SNX19: variants seen among roughly 807,000 people sequenced by gnomAD.
SNX19 encodes the protein sorting nexin-19.
A neutral mutation model predicts 85.2 loss-of-function variants in SNX19; 60 were observed. That is an observed-to-expected ratio of 0.70 (90% CI 0.57 to 0.87). The LOEUF (loss-of-function observed/expected upper bound fraction) is 0.87. SNX19 is among the 40% of genes least tolerant of loss of function. The pLI is 0.00. For missense variants in SNX19, 1,201 were observed against 1,217.8 expected (o/e 0.99, Z 0.21); for synonymous variants, 520 against 470.0 (o/e 1.11, Z -1.38).
intron 10 of SNX19, among the ~76,000 whole-genome samples, chr11:130,878,832 G>C (rs994429068): frequency 6.6e-6 from 1 of 152,194 alleles, no homozygotes; most frequent in African/African-American, 2.4e-5. Flanking sequence ...CTGAAGAACT[G>C]TGATAACAAA....
intron 8 of SNX19, among the ~76,000 whole-genome samples, chr11:130,890,205 C>T (rs7937411): frequency 0.59 from 90,356 of 151,922 alleles, 27,278 homozygotes; most frequent in South Asian, 0.73. Flanking sequence ...CCTAATCCAA[C>T]ACCACATAAT....
chr11:130,914,245 C>T lies in SNX19; in HGVS notation c.1674+21G>A, dbSNP rs749035475. 4.6e-6 allele frequency: 7 copies of T among 1,516,288 alleles called. No homozygotes were observed. The South Asian group carries it at 9.3e-5, about 20-fold the overall frequency. 93.9% of individuals were successfully genotyped at this position (1,516,288 alleles called of 1,614,324 possible). ...ACCCACTCCTAGCCCGGGTGAGCACCCACAGCTTTAATCCTGTTACCTTCA... is the reference window on the plus strand; with the variant it reads ...ACCCACTCCTAGCCCGGGTGAGCACTCACAGCTTTAATCCTGTTACCTTCA... On this transcript the variant is annotated intron_variant, in intron 1 of 10. Transcript: ENST00000265909.
At position 130,914,279 on chromosome 11, in the gene SNX19, AGT is replaced by A. The variant is rs765437984; in HGVS notation, c.1659_1660del (p.Thr556CysfsTer8). On this transcript the variant is annotated frameshift_variant, in exon 1 of 11. Transcript: ENST00000265909. LOFTEE classifies it high-confidence loss of function. Reference sequence around the variant, plus strand: ...TAATCCTGTTACCTTCACAGTATAGAGTGTGTATGGGTGGAATCCAGTGCCAC... The same window carrying A: ...TAATCCTGTTACCTTCACAGTATAGAGTGTATGGGTGGAATCCAGTGCCAC... The A allele has an allele frequency of 3.2e-6, 5 of 1,580,986 alleles. No homozygotes were observed. The African/African-American group carries it at 6.7e-5, about 21-fold the overall frequency.
At chr11:130,894,126 T>C (rs918613932) in intron 8 of SNX19, among the ~76,000 whole-genome samples, 1 of 152,168 alleles carries the variant, frequency 6.6e-6, no homozygotes, top group Non-Finnish European at 1.5e-5. Flanking sequence ...ATCTCCATCT[T>C]AGTGAATACA....
At position 130,909,694 on chromosome 11, in the gene SNX19, G is replaced by T. The variant is rs1026926987; in HGVS notation, c.2034+324C>A. Among the ~76,000 whole-genome samples the T allele has an allele frequency of 5.3e-5, 8 of 152,128 alleles. 2 individuals carry two copies. The South Asian group carries it at 1.7e-3, about 31-fold the overall frequency. On this transcript the variant is annotated intron_variant, in intron 4 of 10. Coordinates refer to ENST00000265909, the MANE Select transcript of SNX19 (RefSeq NM_014758.3). ...TACCCTCTGAAAGACCACCCCTCAT[G>T]CCAGCTATCTGTGAAGACACAGATC...
At chr11:130,890,890 CTT>C (rs10678203) in intron 8 of SNX19, among the ~76,000 whole-genome samples, 3 of 143,022 alleles carry the variant, frequency 2.1e-5, no homozygotes, top group Admixed American at 7.0e-5. Flanking sequence ...GGATTTGGGT[CTT>C]TTTTTTTTTT....
chr11:130,906,784 G>T, intron 5 of SNX19, 63 bp from the exon 6 acceptor site: 2 of 1,162,140 alleles, frequency 1.7e-6, no homozygotes, highest in Non-Finnish European at 2.6e-6. Context: ...CACACTAAGG[G>T]CTGGCAAGTA....
intron 8 of SNX19, among the ~76,000 whole-genome samples, chr11:130,888,815 C>T (rs907252884): frequency 1.3e-5 from 2 of 152,152 alleles, no homozygotes; most frequent in African/African-American, 2.4e-5. Flanking sequence ...AGGCCATGTA[C>T]AGGTTTAAAT....
At chr11:130,885,120 T>C (rs1004846030) in intron 8 of SNX19, among the ~76,000 whole-genome samples, 1 of 152,084 alleles carries the variant, frequency 6.6e-6, no homozygotes, top group Non-Finnish European at 1.5e-5. Context: ...CCAGGTCTCT[T>C]GTGTCAAGCC....
rs1943385177 is a variant in SNX19, at chr11:130,878,335, C to T, written c.*87G>A. 1.4e-6 allele frequency: 2 copies of T among 1,462,198 alleles called. No individual in the cohort carries two copies. Among genetic ancestry groups the T allele is most frequent in the South Asian group, 2.9e-5 (2 of 67,974 alleles). 90.6% of individuals were successfully genotyped at this position (1,462,198 alleles called of 1,614,324 possible). A position where few individuals can be genotyped will look rare whatever the true frequency, so the allele number is the denominator to read the frequency against. ...CCTAGGCCTTCTTAGCTGTAGCCTA[C>T]TTGAAGAGGGCACGGGCTTCCTGAC... On this transcript the variant is annotated 3_prime_UTR_variant, in exon 11 of 11. Transcript: ENST00000265909.
In SNX19 at chr11:130,906,177, T is replaced by G. The variant is rs758694982; in HGVS notation, c.2263-44A>C. 9 of 1,587,048 alleles carry G rather than the reference T, an allele frequency of 5.7e-6. No homozygotes were observed. The Admixed American group carries it at 6.9e-5, about 12-fold the overall frequency. On this transcript the variant is annotated intron_variant, in intron 6 of 10. Coordinates refer to ENST00000265909, the MANE Select transcript of SNX19 (RefSeq NM_014758.3). ...CATATCACATATGGAATGCTGACAG[T>G]AGGGGAGCAAATGCAGCACTCTAGG...
intron 8 of SNX19, among the ~76,000 whole-genome samples, chr11:130,891,454 C>T (rs1240929521): frequency 6.6e-6 from 1 of 152,074 alleles, no homozygotes; most frequent in Admixed American, 6.5e-5. Context: ...GAGACAGCTG[C>T]CAGTAGCTTA....
intron 8 of SNX19, 79 bp downstream of exon 8, chr11:130,903,176 C>T: frequency 6.3e-7 from 1 of 1,580,316 alleles, no homozygotes; most frequent in Non-Finnish European, 8.6e-7. Context: ...GCTGCAGATT[C>T]CCTGGACACT....
At chr11:130,879,573 C>T in intron 10 of SNX19, 51 bp downstream of exon 10, 1 of 1,484,620 alleles carries the variant, frequency 6.7e-7, no homozygotes, top group Non-Finnish European at 9.4e-7. Context: ...ACCTCTGAGA[C>T]CAGAGGTGGC....
At chr11:130,890,922 C>T (rs548827219) in intron 8 of SNX19, among the ~76,000 whole-genome samples, 10 of 136,614 alleles carry the variant, frequency 7.3e-5, no homozygotes, top group African/African-American at 2.7e-4. Context: ...GATCACTTAA[C>T]GAAGTGCCTA....
At chr11:130,906,746 A>T (rs575056770) in intron 5 of SNX19, 25 bp from the exon 6 acceptor site, 8 of 1,546,100 alleles carry the variant, frequency 5.2e-6, no homozygotes, top group Admixed American at 1.7e-5. Context: ...AAGAGCAGAA[A>T]CAGGTTGTAA....
At chr11:130,884,697 T>C (rs1943923425) in intron 8 of SNX19, among the ~76,000 whole-genome samples, 1 of 151,746 alleles carries the variant, frequency 6.6e-6, no homozygotes, top group Admixed American at 6.6e-5. Context: ...TGAAGCCTCG[T>C]CTCTACTAAA....
intron 8 of SNX19, among the ~76,000 whole-genome samples, chr11:130,887,993 C>T (rs1944205785): frequency 6.6e-6 from 1 of 151,918 alleles, no homozygotes; most frequent in Admixed American, 6.6e-5. Flanking sequence ...TACTATACTT[C>T]TCATACAGCC....
Position 130,916,100 on chromosome 11 carries a change from C to A in SNX19, c.-161G>T. 1.6e-6 allele frequency: 1 copy of A among 631,576 alleles called. No individual in the cohort carries two copies. 39.1% of individuals were successfully genotyped at this position (631,576 alleles called of 1,614,324 possible). A position where few individuals can be genotyped will look rare whatever the true frequency, so the allele number is the denominator to read the frequency against. ...TCAAAGTCCTACAGGCACTGCAAAG[C>A]GACAGCTGCAGCTCCGCGTCTCCCC... On this transcript the variant is annotated 5_prime_UTR_variant, in exon 1 of 11. Transcript: ENST00000265909.
Sources: gnomAD v4.1 joint callset for allele counts (sites outside exome capture counted in the v4.1 genomes callset) on GRCh38, gnomAD v4.1.1 for gene constraint, MANE v1.5 for transcripts, NCBI Gene and HGNC (gene_info 2026-07-23, HGNC 2026-07-21) for gene names.